Variants in RIMBP2 observed in about 807,000 individuals in gnomAD.
RIMBP2 encodes the protein RIMS binding protein 2.
Under a neutral mutation model 118.6 loss-of-function variants are expected in RIMBP2, and 48 were observed. That is an observed-to-expected ratio of 0.40 (90% CI 0.32 to 0.51). The LOEUF is 0.51. Ranked by LOEUF, RIMBP2 falls within the 20% of genes least tolerant of loss-of-function variation. The pLI is 0.41. For synonymous variants in RIMBP2, 762 were observed against 742.9 expected, an observed-to-expected ratio of 1.03 and a Z score of -0.42; for missense variants, 1,551 against 1,768.3, an observed-to-expected ratio of 0.88 and a Z score of 2.20.
chr12:130,686,311 G>C (rs1290290141), intron 1 of RIMBP2, among the ~76,000 whole-genome samples: 2 of 152,168 alleles, frequency 1.3e-5, no homozygotes, highest in Non-Finnish European at 2.9e-5. Context: ...CCTCTACCAC[G>C]CTTCACTCCC....
At position 130,478,810 on chromosome 12, in the gene RIMBP2, G is replaced by A. The variant is rs548235398; in HGVS notation, c.102+102C>T. 22 of 758,896 alleles carry A rather than the reference G, an allele frequency of 2.9e-5. No homozygotes were observed. In the Middle Eastern group the frequency reaches 2.4e-3, roughly 82 times the overall value. The allele number at this position is 758,896 out of a possible 1,614,324, so 47.0% of individuals were successfully genotyped here. On this transcript the variant is annotated intron_variant, in intron 5 of 22. Coordinates refer to ENST00000690449, the MANE Select transcript of RIMBP2 (RefSeq NM_001393629.1). ...TGCAAGCAGAGAGAGGGAGCGGCCT[G>A]GGAGCCAAGGCCGCAGGTCGGCCGC...
chr12:130,512,803 ATTC>A (rs1214516731), intron 3 of RIMBP2, among the ~76,000 whole-genome samples: 1 of 152,208 alleles, frequency 6.6e-6, no homozygotes. Flanking sequence ...AGCCCAGACG[ATTC>A]TTCCTTTGTC....
At chr12:130,515,746 G>A (rs1001037719) in intron 3 of RIMBP2, among the ~76,000 whole-genome samples, 20 of 152,078 alleles carry the variant, frequency 1.3e-4, no homozygotes, top group East Asian at 9.7e-4. Context: ...TGCCCAGGCT[G>A]GAGTGCAATG....
rs1158209119 is a variant in RIMBP2 at position 130,596,864 on chromosome 12, C to T, written c.-217+31458G>A. ...TAACTCACATTAAATGGATGAATTT[C>T]GTGGAAGATACAAATGCCAAGAGTC... On this transcript the variant is annotated intron_variant, in intron 2 of 22. Transcript: ENST00000690449. 7.2e-5 allele frequency among the ~76,000 whole-genome samples: 11 copies of T among 152,268 alleles called. No individual in the cohort carries two copies. The East Asian group carries it at 1.2e-3, about 16-fold the overall frequency.
chr12:130,443,818 T>C (rs552085530), intron 10 of RIMBP2, among the ~76,000 whole-genome samples: 1 of 152,310 alleles, frequency 6.6e-6, no homozygotes, highest in African/African-American at 2.4e-5. Flanking sequence ...ATGATTATAA[T>C]GCTGGTGGTG....
intron 1 of RIMBP2, among the ~76,000 whole-genome samples, chr12:130,649,751 C>T (rs1055849646): frequency 5.3e-5 from 8 of 152,090 alleles, no homozygotes; most frequent in Non-Finnish European, 1.2e-4. Flanking sequence ...GGTCTCCCTG[C>T]CCCCTGCTCA....
chr12:130,597,464 A>C (rs1369041755), intron 2 of RIMBP2, among the ~76,000 whole-genome samples: 2 of 152,168 alleles, frequency 1.3e-5, no homozygotes, highest in Non-Finnish European at 2.9e-5. Flanking sequence ...GGCTGGTCTC[A>C]AACTCCTGAA....
rs2277359 is a variant in RIMBP2, at chr12:130,414,390, T to C, written c.3239-84A>G. The C allele has an allele frequency of 6.5e-3, 8,860 of 1,360,208 alleles. 720 individuals are homozygous for C. In the East Asian group the frequency reaches 0.18, roughly 27 times the overall value. The allele number at this position is 1,360,208 out of a possible 1,614,324, so 84.3% of individuals were successfully genotyped here. A position where few individuals can be genotyped will look rare whatever the true frequency, so the allele number is the denominator to read the frequency against. On this transcript the variant is annotated intron_variant, in intron 17 of 22. Transcript: ENST00000690449. ...CGGGAAATGCAGCTTTGGAAAGCAG[T>C]GAGGATGGCAGCGGTTCCTTGACTT...
chr12:130,421,935 G>A (rs1207012729), intron 17 of RIMBP2, among the ~76,000 whole-genome samples: 2 of 152,188 alleles, frequency 1.3e-5, no homozygotes, highest in East Asian at 1.9e-4. Flanking sequence ...GCCAGATGAC[G>A]ACTCATGAGC....
At chr12:130,679,000 T>A (rs1243924076) in intron 1 of RIMBP2, among the ~76,000 whole-genome samples, 1 of 152,220 alleles carries the variant, frequency 6.6e-6, no homozygotes, top group Non-Finnish European at 1.5e-5. Flanking sequence ...TGCACAACAC[T>A]GCGAGTGCAC....
Position 130,450,073 on chromosome 12 carries a change from C to T in RIMBP2, c.581+127G>A. 2 of 659,202 alleles carry T rather than the reference C, an allele frequency of 3.0e-6. No individual in the cohort carries two copies. Among genetic ancestry groups the T allele is most frequent in the Non-Finnish European group, 5.3e-6 (2 of 373,860 alleles). 40.8% of individuals were successfully genotyped at this position (659,202 alleles called of 1,614,324 possible). A position where few individuals can be genotyped will look rare whatever the true frequency, so the allele number is the denominator to read the frequency against. On this transcript the variant is annotated intron_variant, in intron 9 of 22. Coordinates refer to ENST00000690449, the MANE Select transcript of RIMBP2 (RefSeq NM_001393629.1). The surrounding 1 kb of genome is among the most constrained non-coding windows in gnomAD (Gnocchi z 4.8). ...AACCCTGCTCAGCCTCCAGGCCAGG[C>T]TGAAATCCCACCTTCTCCTCGTGCC... is the stretch of plus-strand genomic sequence containing the variant.
At position 130,540,795 on chromosome 12, in the gene RIMBP2, C is replaced by T. The variant is rs547546537; in HGVS notation, c.-216-22878G>A. The stretch of plus-strand genomic sequence containing the variant: ...AACACTTCTTCCCTGGCAATACTGA[C>T]GGTCTCAGTGAGTGGCTTTCTGCGT... On this transcript the variant is annotated intron_variant, in intron 2 of 22. Coordinates refer to ENST00000690449, the MANE Select transcript of RIMBP2 (RefSeq NM_001393629.1). 1.9e-4 allele frequency among the ~76,000 whole-genome samples: 29 copies of T among 152,316 alleles called. No individual in the cohort carries two copies. The East Asian group carries it at 4.6e-3, about 24-fold the overall frequency.
In RIMBP2 at chr12:130,687,533, G is replaced by A. The variant is rs116092627; in HGVS notation, c.-352+28689C>T. ...GGTGGTCTTTGTGCCTTTGTTCTGCGTGGTTCTGTGATGTGTATTTTCCTA... is the reference window on the plus strand; with the variant it reads ...GGTGGTCTTTGTGCCTTTGTTCTGCATGGTTCTGTGATGTGTATTTTCCTA... On this transcript the variant is annotated intron_variant, in intron 1 of 22. Coordinates refer to ENST00000690449, the MANE Select transcript of RIMBP2 (RefSeq NM_001393629.1). 5.5e-3 allele frequency among the ~76,000 whole-genome samples: 832 copies of A among 152,242 alleles called. 10 individuals are homozygous for A. Among genetic ancestry groups the A allele is most frequent in the African/African-American group, 0.019 (790 of 41,538 alleles).
chr12:130,463,721 A>T (rs1204139533), intron 6 of RIMBP2, among the ~76,000 whole-genome samples: 1 of 152,056 alleles, frequency 6.6e-6, no homozygotes, highest in African/African-American at 2.4e-5. Flanking sequence ...CAGCGACTCC[A>T]TCTTGAATAG....
In RIMBP2 at chr12:130,624,048, C is replaced by G. The variant is rs116358334; in HGVS notation, c.-217+4274G>C. The stretch of plus-strand genomic sequence containing the variant: ...CTGGAATACTTATCTTGGGCTTGCT[C>G]TAGGAGAGCCCAGGCTGAGACACTC... On this transcript the variant is annotated intron_variant, in intron 2 of 22. Coordinates refer to ENST00000690449, the MANE Select transcript of RIMBP2 (RefSeq NM_001393629.1). Among the ~76,000 whole-genome samples, 118 of 152,302 alleles carry G rather than the reference C, an allele frequency of 7.7e-4. 2 individuals carry two copies. The highest frequency in any genetic ancestry group is 2.6e-3 in the African/African-American group (107 of 41,554).
chr12:130,652,164 T>G (rs889601172), intron 1 of RIMBP2, among the ~76,000 whole-genome samples: 11 of 152,212 alleles, frequency 7.2e-5, no homozygotes, highest in African/African-American at 2.7e-4. Context: ...TGGCATAACC[T>G]TATGTATTGG....
intron 9 of RIMBP2, among the ~76,000 whole-genome samples, 193 bp from the exon 10 acceptor site, chr12:130,445,462 T>C (rs1265372179): frequency 3.3e-5 from 5 of 152,162 alleles, no homozygotes; most frequent in Non-Finnish European, 7.4e-5. Context: ...CACACACAGA[T>C]TTAAAGTAAA....
rs1200601030 is a variant in RIMBP2, at chr12:130,511,449, GCATCTGT to G, written c.-126-4686_-126-4680del. On this transcript the variant is annotated intron_variant, in intron 3 of 22. Transcript: ENST00000690449. This position sits in a 1 kb window ranked among gnomAD's most constrained non-coding sequence, Gnocchi z 4.3. ...AATTGTCACTCTACACCAACAACTG[GCATCTGT>G]CCCTGGAAAGCCCTAAGCCCCAGTG... 6.6e-6 allele frequency among the ~76,000 whole-genome samples: 1 copy of G among 152,190 alleles called. No homozygotes were observed. Among genetic ancestry groups the G allele is most frequent in the Non-Finnish European group, 1.5e-5 (1 of 68,042 alleles).
chr12:130,443,929 T>G (rs1290093511), intron 10 of RIMBP2, among the ~76,000 whole-genome samples: 1 of 152,122 alleles, frequency 6.6e-6, no homozygotes, highest in Non-Finnish European at 1.5e-5. Flanking sequence ...CTCTATGAGG[T>G]GGGTACTATT....
Sources: gnomAD v4.1 joint callset for allele counts (sites outside exome capture counted in the v4.1 genomes callset) on GRCh38, gnomAD v4.1.1 for gene constraint, Gnocchi (gnomAD v3.1) non-coding constraint, MANE v1.5 for transcripts, NCBI Gene and HGNC (gene_info 2026-07-23, HGNC 2026-07-21) for gene names.